CORO6: variants seen among roughly 807,000 people sequenced by gnomAD.
CORO6 encodes coronin-6.
A neutral mutation model predicts 49.0 loss-of-function variants in CORO6; 43 were observed. The observed-to-expected ratio is 0.88, with a 90% CI of 0.69 to 1.13. The LOEUF (loss-of-function observed/expected upper bound fraction) is 1.13, where lower values mean the gene tolerates loss of function less well. Ranked by LOEUF, CORO6 falls within the 50% of genes most tolerant of loss-of-function variation. The probability of loss-of-function intolerance (pLI) is 0.00; values close to 1 mark genes in which losing one functional copy is unlikely to be tolerated. For synonymous variants in CORO6, 233 were observed against 256.5 expected, an observed-to-expected ratio of 0.91 and a Z score of 0.88; for missense variants, 650 against 647.0, an observed-to-expected ratio of 1.00 and a Z score of -0.05.
intron 3 of CORO6, 131 bp downstream of exon 3, chr17:29,619,520 A>G: frequency 3.4e-6 from 3 of 893,506 alleles, no homozygotes; most frequent in African/African-American, 1.7e-5. Flanking sequence ...ATAGTCCAGG[A>G]GCTGGGCAGG....
Position 29,621,080 on chromosome 17 carries a change from G to C in CORO6, c.198+144C>G. On this transcript the variant is annotated intron_variant, in intron 2 of 10. Transcript: ENST00000388767. The surrounding 1 kb of genome is among the most constrained non-coding windows in gnomAD (Gnocchi z 4.2). ...TGGGGTGGCCTCCCCTCTGGTCCTT[G>C]AGGGCTTGGGGAATAGGGAGGAGCC... 8.8e-7 allele frequency: 1 copy of C among 1,139,308 alleles called. No homozygotes were observed. The highest frequency in any genetic ancestry group is 1.2e-6 in the Non-Finnish European group (1 of 811,878). 70.6% of individuals were successfully genotyped at this position (1,139,308 alleles called of 1,614,324 possible).
At chr17:29,617,812 C>G in intron 5 of CORO6, 193 bp from the exon 6 acceptor site, 1 of 722,468 alleles carries the variant, frequency 1.4e-6, no homozygotes, top group Non-Finnish European at 2.2e-6. Context: ...GCATCCGGGC[C>G]TGGAGAGAGC....
In CORO6 at chr17:29,618,515, C is replaced by T. The variant is rs542512505; in HGVS notation, c.633+275G>A. 5 of 1,324,668 alleles carry T rather than the reference C, an allele frequency of 3.8e-6. No homozygotes were observed. In the African/African-American group the frequency reaches 4.5e-5, roughly 12 times the overall value. 82.1% of individuals were successfully genotyped at this position (1,324,668 alleles called of 1,614,324 possible). A position where few individuals can be genotyped will look rare whatever the true frequency, so the allele number is the denominator to read the frequency against. ...GGTGGGAGGATGGAGTTTCCAGCTT[C>T]TCCCCTCCTCAATCCCAAAGCGAGG... On this transcript the variant is annotated intron_variant, in intron 5 of 10. Coordinates refer to ENST00000388767, the MANE Select transcript of CORO6 (RefSeq NM_032854.4).
upstream of CORO6, chr17:29,622,912 C>CA (rs773839176): frequency 2.7e-6 from 3 of 1,108,494 alleles, no homozygotes; most frequent in Non-Finnish European, 3.3e-6. Context: ...CCTAAGAGGG[C>CA]GGGGCTAGCA....
chr17:29,618,891 T>G lies in CORO6; in HGVS notation c.532A>C (p.Ile178Leu). The change falls in exon 5 of 11, where the codon ATC becomes CTC. Residue 178 changes from isoleucine to leucine, a missense_variant. Physicochemically the swap from Ile to Leu is conservative, Grantham distance 5. Coordinates refer to ENST00000388767, the MANE Select transcript of CORO6 (RefSeq NM_032854.4). The part of the protein sequence containing the change: ...LSLDDMHPDV[I>L]HSVCWNSNGS... ...TTGCTGTTCCAGCACACACTGTGGA[T>G]GACGTCTGGGTGCATATCATCCAGG... The G allele has an allele frequency of 1.9e-6, 3 of 1,613,836 alleles. No homozygotes were observed. The highest frequency in any genetic ancestry group is 2.5e-6 in the Non-Finnish European group (3 of 1,179,964).
At chr17:29,617,393 C>G (rs1598636809) in intron 6 of CORO6, 107 bp downstream of exon 6, 1 of 1,543,390 alleles carries the variant, frequency 6.5e-7, no homozygotes. Flanking sequence ...GTGGCAGCAG[C>G]CTTCAGTCCT....
In CORO6 at chr17:29,615,990, G is replaced by A. The variant is rs752675732; in HGVS notation, c.1248C>T (p.Pro416=). Residue 416 remains proline (P), a synonymous_variant, in exon 10 of 11, where the codon CCC becomes CCT. Transcript: ENST00000388767. The stretch of plus-strand genomic sequence containing the variant: ...CCGACTGGCTGCGGCGGGGGCCGGA[G>A]GGCGGGCGCACGTCCAGGATGTTGC... ...TKRNILDVRP[P]SGPRRSQSAS... 1.1e-5 allele frequency: 17 copies of A among 1,584,316 alleles called. No homozygotes were observed. Among genetic ancestry groups the A allele is most frequent in the Non-Finnish European group, 1.4e-5 (16 of 1,163,470 alleles).
At position 29,616,810 on chromosome 17, in the gene CORO6, T is replaced by C. The variant is rs952714904; in HGVS notation, c.896A>G (p.Glu299Gly). The change falls in exon 8 of 11, where the codon GAG (glutamate) becomes GGG (glycine). Residue 299 changes from glutamate to glycine, a missense_variant. By Grantham distance (98) the Glu-to-Gly change is moderately conservative. Coordinates refer to ENST00000388767, the MANE Select transcript of CORO6 (RefSeq NM_032854.4). The surrounding 1 kb of genome is among the most constrained non-coding windows in gnomAD (Gnocchi z 5.6). ...SSIRYFEITD[E>G]PPFVHYLNTF... ...GTTCAGGTAGTGCACGAAAGGCGGC[T>C]CGTCGGTAATCTCAAAGTACCGAAT... The C allele has an allele frequency of 1.8e-5, 29 of 1,613,762 alleles. No individual in the cohort carries two copies. Among genetic ancestry groups the C allele is most frequent in the Non-Finnish European group, 2.3e-5 (27 of 1,179,932 alleles).
chr17:29,618,220 T>G (rs1487919324), intron 5 of CORO6: 20 of 1,322,386 alleles, frequency 1.5e-5, no homozygotes, highest in Non-Finnish European at 1.8e-5. Context: ...CCGACCGCTC[T>G]CGGCGCGCTT....
rs1201430647 is a variant in CORO6 at position 29,616,201 on chromosome 17, C to T, written c.1063-26G>A. The T allele has an allele frequency of 6.2e-7, 1 of 1,610,940 alleles. No homozygotes were observed. Among genetic ancestry groups the T allele is most frequent in the Non-Finnish European group, 8.5e-7 (1 of 1,178,000 alleles). On this transcript the variant is annotated intron_variant, in intron 9 of 10. Coordinates refer to ENST00000388767, the MANE Select transcript of CORO6 (RefSeq NM_032854.4). The surrounding 1 kb of genome is among the most constrained non-coding windows in gnomAD (Gnocchi z 5.6). ...CTGCGGGGGTGGGTGGACAGGAGGA[C>T]TTGCGTGAGAGGGTGCGGGGCTTGC...
At position 29,619,746 on chromosome 17, in the gene CORO6, G is replaced by A. The variant is rs963398554; in HGVS notation, c.226C>T (p.Leu76=). 66 of 1,613,306 alleles carry A rather than the reference G, an allele frequency of 4.1e-5. No homozygotes were observed. The highest frequency in any genetic ancestry group is 5.4e-5 in the Non-Finnish European group (64 of 1,179,406). Residue 76 remains leucine, a synonymous_variant, in exon 3 of 11, where the codon CTG becomes TTG. Transcript: ENST00000388767. ...KTGRVDKNYP[L]VTGHTAPVLD... ...ACAGGGGCAGTGTGCCCAGTGACCA[G>A]TGGGTAGTTCTTATCCACTCGCCCT...
Position 29,615,986 on chromosome 17 carries a change from C to T in CORO6, c.1252G>A (p.Gly418Ser). Residue 418 changes from glycine (G) to serine (S), a missense_variant, in exon 10 of 11, where the codon GGC becomes AGC. Transcript: ENST00000388767. ...RNILDVRPPS[G>S]PRRSQSASDA... is the part of the protein sequence containing the mutation. ...CTGGCCGACTGGCTGCGGCGGGGGC[C>T]GGAGGGCGGGCGCACGTCCAGGATG... is the stretch of plus-strand genomic sequence containing the variant. 1 of 1,583,748 alleles carries T rather than the reference C, an allele frequency of 6.3e-7. No individual in the cohort carries two copies. Among genetic ancestry groups the T allele is most frequent in the Non-Finnish European group, 8.6e-7 (1 of 1,163,080 alleles).
intron 3 of CORO6, 128 bp from the exon 4 acceptor site, chr17:29,619,317 G>T: frequency 1.7e-6 from 2 of 1,167,652 alleles, no homozygotes; most frequent in Non-Finnish European, 2.4e-6. Flanking sequence ...AGGGCAAGAT[G>T]TGGTGGTGCA....
intron 5 of CORO6, 156 bp downstream of exon 5, chr17:29,618,634 T>C: frequency 7.0e-7 from 1 of 1,433,572 alleles, no homozygotes. Context: ...GGCAGAGACC[T>C]GTGGTTGCAG....
At position 29,616,417 on chromosome 17, in the gene CORO6, CCAA is replaced by C; in HGVS notation, c.1005-84_1005-82del. 2.2e-6 allele frequency: 3 copies of C among 1,359,066 alleles called. No individual in the cohort carries two copies. Among genetic ancestry groups the C allele is most frequent in the Non-Finnish European group, 3.0e-6 (3 of 984,618 alleles). 84.2% of individuals were successfully genotyped at this position (1,359,066 alleles called of 1,614,324 possible). A position where few individuals can be genotyped will look rare whatever the true frequency, so the allele number is the denominator to read the frequency against. ...TGTCTAAGACCAAGGGGGTTGGAGGCCAACACTTGCTCAGCGCCTACCATGCAT... is the reference window on the plus strand; with the variant it reads ...TGTCTAAGACCAAGGGGGTTGGAGGCCACTTGCTCAGCGCCTACCATGCAT... On this transcript the variant is annotated intron_variant, in intron 8 of 10. Transcript: ENST00000388767. This position sits in a 1 kb window ranked among gnomAD's most constrained non-coding sequence, Gnocchi z 5.6.
In CORO6 at chr17:29,621,439, T is replaced by A; in HGVS notation, c.-18A>T. 6.3e-7 allele frequency: 1 copy of A among 1,587,198 alleles called. No individual in the cohort carries two copies. The highest frequency in any genetic ancestry group is 8.6e-7 in the Non-Finnish European group (1 of 1,165,932). ...CTGCTCATAGCTGCAGGCAGAGAGG[T>A]AGGATCTCAGTGCCCAGAAATGCCT... is the stretch of plus-strand genomic sequence containing the variant. On this transcript the variant is annotated 5_prime_UTR_variant, in exon 2 of 11. Transcript: ENST00000388767. The surrounding 1 kb of genome is among the most constrained non-coding windows in gnomAD (Gnocchi z 4.2).
At chr17:29,620,955 C>T (rs915201672) in intron 2 of CORO6, among the ~76,000 whole-genome samples, 1 of 152,180 alleles carries the variant, frequency 6.6e-6, no homozygotes, top group Non-Finnish European at 1.5e-5. Context: ...CCATCTCCAT[C>T]ACCCGGCTCC....
Position 29,615,682 on chromosome 17 carries a change from G to A in CORO6, c.*50C>T. ...GGAGTTCGGGACTAAAAGCCGGGGC[G>A]GGGCCGAGCTTGTGCGCCCCGCCCC... On this transcript the variant is annotated 3_prime_UTR_variant, in exon 11 of 11. Transcript: ENST00000388767. The A allele has an allele frequency of 2.1e-6, 3 of 1,443,258 alleles. No individual in the cohort carries two copies. The highest frequency in any genetic ancestry group is 2.7e-6 in the Non-Finnish European group (3 of 1,101,452). The allele number at this position is 1,443,258 out of a possible 1,614,324, so 89.4% of individuals were successfully genotyped here.
In CORO6 at chr17:29,615,669, T is replaced by A; in HGVS notation, c.*63A>T. 1 of 1,429,320 alleles carries A rather than the reference T, an allele frequency of 7.0e-7. No homozygotes were observed. The highest frequency in any genetic ancestry group is 9.1e-7 in the Non-Finnish European group (1 of 1,094,592). The allele number at this position is 1,429,320 out of a possible 1,614,324, so 88.5% of individuals were successfully genotyped here. On this transcript the variant is annotated 3_prime_UTR_variant, in exon 11 of 11. Coordinates refer to ENST00000388767, the MANE Select transcript of CORO6 (RefSeq NM_032854.4). Reference sequence around the variant, plus strand: ...GAAGGCGGGGTCCGGAGTTCGGGACTAAAAGCCGGGGCGGGGCCGAGCTTG... The same window carrying A: ...GAAGGCGGGGTCCGGAGTTCGGGACAAAAAGCCGGGGCGGGGCCGAGCTTG...
Sources: gnomAD v4.1 joint callset for allele counts (sites outside exome capture counted in the v4.1 genomes callset) on GRCh38, gnomAD v4.1.1 for gene constraint, Gnocchi (gnomAD v3.1) non-coding constraint, MANE v1.5 for transcripts, NCBI Gene and HGNC (gene_info 2026-07-23, HGNC 2026-07-21) for gene names.